SYCP2: variants seen among roughly 807,000 people sequenced by gnomAD.
SYCP2 encodes synaptonemal complex protein 2.
A neutral mutation model predicts 211.3 loss-of-function variants in SYCP2; 55 were observed. That is an observed-to-expected ratio of 0.26 (90% CI 0.21 to 0.33). SYCP2 has a LOEUF of 0.33. Among genes scored for constraint, SYCP2 ranks in the 10% least tolerant of loss-of-function variants. The pLI, the probability that SYCP2 is intolerant of heterozygous loss-of-function variation, is 1.00. For synonymous variants in SYCP2, 570 were observed against 555.2 expected, an observed-to-expected ratio of 1.03 and a Z score of -0.37; for missense variants, 1,731 against 1,752.0, an observed-to-expected ratio of 0.99 and a Z score of 0.21.
At chr20:59,898,755 C>CA (rs1568949804) in intron 18 of SYCP2, among the ~76,000 whole-genome samples, 1 of 151,332 alleles carries the variant, frequency 6.6e-6, no homozygotes, top group South Asian at 2.1e-4. Flanking sequence ...AAAAGGAAAG[C>CA]AAAAAAAGAG....
intron 44 of SYCP2, among the ~76,000 whole-genome samples, chr20:59,864,924 C>T (rs1464480152): frequency 6.6e-6 from 1 of 151,980 alleles, no homozygotes; most frequent in Non-Finnish European, 1.5e-5. Context: ...ACATTTCCCC[C>T]CAGAATGCAG....
At chr20:59,890,578 G>C (rs1158095788) in intron 24 of SYCP2, among the ~76,000 whole-genome samples, 1 of 150,700 alleles carries the variant, frequency 6.6e-6, no homozygotes, top group Admixed American at 6.6e-5. Context: ...AGGTAGGTAG[G>C]TAAGTAGGTA....
chr20:59,919,304 A>T, intron 6 of SYCP2, 122 bp from the exon 7 acceptor site: 1 of 673,698 alleles, frequency 1.5e-6, no homozygotes, highest in Non-Finnish European at 2.5e-6. Context: ...GAGCATAATT[A>T]CTTTTTATTA....
chr20:59,878,236 G>A (rs187585880), intron 31 of SYCP2, among the ~76,000 whole-genome samples, 191 bp from the exon 32 acceptor site: 59 of 152,192 alleles, frequency 3.9e-4, no homozygotes, highest in Admixed American at 2.4e-3. Context: ...TCCTGACACC[G>A]TAATCTTCTC....
intron 2 of SYCP2, among the ~76,000 whole-genome samples, chr20:59,929,830 C>T (rs992389732): frequency 6.7e-6 from 1 of 150,002 alleles, no homozygotes; most frequent in African/African-American, 2.5e-5. Flanking sequence ...ATAAAATGGA[C>T]CAAAAGACAA....
At chr20:59,914,992 A>T (rs2060409068) in intron 10 of SYCP2, among the ~76,000 whole-genome samples, 173 bp downstream of exon 10, 1 of 151,980 alleles carries the variant, frequency 6.6e-6, no homozygotes, top group Non-Finnish European at 1.5e-5. Flanking sequence ...TACTGTCATA[A>T]ATTATTTTTG....
chr20:59,914,472 A>G (rs2060394313), intron 10 of SYCP2, among the ~76,000 whole-genome samples: 1 of 151,986 alleles, frequency 6.6e-6, no homozygotes, highest in South Asian at 2.1e-4. Context: ...AAATAAGTAA[A>G]ATTTAAAAAA....
chr20:59,916,741 A>G (rs2060450028), intron 7 of SYCP2, among the ~76,000 whole-genome samples, 170 bp from the exon 8 acceptor site: 1 of 151,912 alleles, frequency 6.6e-6, no homozygotes, highest in Admixed American at 6.6e-5. Context: ...GGAGTTTGAG[A>G]CCAGCCTGGG....
chr20:59,890,810 C>A (rs891025935), intron 24 of SYCP2, among the ~76,000 whole-genome samples: 2 of 151,138 alleles, frequency 1.3e-5, no homozygotes, highest in Admixed American at 1.3e-4. Flanking sequence ...ATTCTAAATA[C>A]CAAAGAAAGC....
intron 14 of SYCP2, among the ~76,000 whole-genome samples, chr20:59,909,205 T>C (rs963562138): frequency 6.6e-6 from 1 of 152,234 alleles, no homozygotes; most frequent in African/African-American, 2.4e-5. Context: ...TTCTTTCATA[T>C]AGGCACTCAT....
At chr20:59,897,202 G>C (rs2060026410) in intron 18 of SYCP2, among the ~76,000 whole-genome samples, 1 of 152,120 alleles carries the variant, frequency 6.6e-6, no homozygotes, top group Non-Finnish European at 1.5e-5. Context: ...AGGCATAAAA[G>C]AGCTGGTTTT....
intron 1 of SYCP2, among the ~76,000 whole-genome samples, chr20:59,932,855 TGGGGACGGCGGGA>T (rs1432133382): frequency 6.6e-6 from 1 of 151,756 alleles, no homozygotes; most frequent in Non-Finnish European, 1.5e-5. Flanking sequence ...AGGCCGCAGG[TGGGGACGGCGGGA>T]GGGAGAGAAG....
rs1324153789 is a variant in SYCP2, at chr20:59,903,281, T to G, written c.1034-1471A>C. Among the ~76,000 whole-genome samples, 7 of 152,262 alleles carry G rather than the reference T, an allele frequency of 4.6e-5. No homozygotes were observed. The East Asian group carries it at 1.3e-3, about 29-fold the overall frequency. ...TACAAGAAAACTTTGTTTTGTTGCT[T>G]GCTATAAAATCCAAGTATTTATGGA... On this transcript the variant is annotated intron_variant, in intron 15 of 44. Coordinates refer to ENST00000357552, the MANE Select transcript of SYCP2 (RefSeq NM_014258.4).
At chr20:59,912,337 CA>C (rs1223160358) in intron 13 of SYCP2, 35 bp downstream of exon 13, 4 of 809,598 alleles carry the variant, frequency 4.9e-6, no homozygotes, top group Non-Finnish European at 3.9e-6. Context: ...AAAATTCATG[CA>C]ATAACTAAAA....
chr20:59,867,634 C>T, intron 39 of SYCP2, 77 bp downstream of exon 39: 1 of 1,299,448 alleles, frequency 7.7e-7, no homozygotes, highest in Non-Finnish European at 1.1e-6. Flanking sequence ...AAGGATCAAA[C>T]AAGCCAATGG....
intron 2 of SYCP2, among the ~76,000 whole-genome samples, chr20:59,926,544 A>C (rs980418166): frequency 1.3e-5 from 2 of 152,090 alleles, no homozygotes; most frequent in African/African-American, 4.8e-5. Flanking sequence ...GCCCACCCTA[A>C]TAACTTAAAT....
At position 59,866,311 on chromosome 20, in the gene SYCP2, A is replaced by C. The variant is rs1307314968; in HGVS notation, c.4302T>G (p.Asp1434Glu). 6.3e-7 allele frequency: 1 copy of C among 1,584,098 alleles called. No individual in the cohort carries two copies. Among genetic ancestry groups the C allele is most frequent in the African/African-American group, 1.4e-5 (1 of 72,970 alleles). The part of the protein sequence containing the change: ...NFEKDSQSLK[D>E]LEKEFVDFWE... ...AACAAACCACAAATTCCTTTTCCAA[A>C]TCTTTTAAAGACTGTGAATCTTTTT... The change falls in exon 41 of 45, where the codon GAT becomes GAG. Residue 1434 changes from aspartate to glutamate, a missense_variant. Physicochemically the swap from Asp to Glu is conservative, Grantham distance 45. Transcript: ENST00000357552.
chr20:59,909,291 C>T (rs1446398761), intron 14 of SYCP2, among the ~76,000 whole-genome samples: 1 of 152,170 alleles, frequency 6.6e-6, no homozygotes, highest in Non-Finnish European at 1.5e-5. Context: ...CATCCAGCTA[C>T]CCAAATTTTA....
chr20:59,916,605 C>A, intron 7 of SYCP2, 34 bp from the exon 8 acceptor site: 3 of 1,352,064 alleles, frequency 2.2e-6, no homozygotes, highest in South Asian at 2.4e-5. Context: ...GATAAATGTT[C>A]ATTTCAAATC....
Sources: allele counts gnomAD v4.1 joint callset (sites outside exome capture counted in the v4.1 genomes callset), GRCh38; gene constraint gnomAD v4.1.1; transcripts MANE v1.5; gene names NCBI Gene and HGNC (gene_info 2026-07-23, HGNC 2026-07-21).